The following EXOSC10 variants were observed in gnomAD, a reference collection of about 807,000 sequenced individuals.
EXOSC10 encodes exosome component 10, also known as exosome complex component 10.
EXOSC10 carries 94 observed loss-of-function variants against 126.6 expected under a neutral mutation model. The ratio of observed to expected loss-of-function variants is 0.74; its 90% confidence interval spans 0.63 to 0.88. The LOEUF (loss-of-function observed/expected upper bound fraction) is 0.88. Ranked by LOEUF, EXOSC10 falls within the 40% of genes least tolerant of loss-of-function variation. The pLI, the probability that EXOSC10 is intolerant of heterozygous loss-of-function variation, is 0.00. For synonymous variants in EXOSC10, 395 were observed against 400.8 expected (o/e 0.99, Z 0.17); for missense variants, 1,041 against 1,100.5 (o/e 0.95, Z 0.77).
At chr1:11,086,085 T>G (rs1489760032) in intron 9 of EXOSC10, among the ~76,000 whole-genome samples, 3 of 150,950 alleles carry the variant, frequency 2.0e-5, no homozygotes, top group African/African-American at 7.3e-5. Context: ...AAATTCTCTT[T>G]TTTGGTTGTG....
At position 11,080,559 on chromosome 1, in the gene EXOSC10, AAAAAACACACACAC is replaced by A. The variant is rs1180051243; in HGVS notation, c.1587-24_1587-11del. On this transcript the variant is annotated splice_polypyrimidine_tract_variant and intron_variant, in intron 12 of 24. Transcript: ENST00000376936. Reference sequence around the variant, plus strand: ...GTTTGGCAGTACATATCTGGAAAAAAAAAAACACACACACACACACACACACACACACACACACA... The same window carrying A: ...GTTTGGCAGTACATATCTGGAAAAAAACACACACACACACACACACACACA... The A allele has an allele frequency of 3.9e-6, 6 of 1,519,366 alleles. No individual in the cohort carries two copies. The Admixed American group carries it at 6.0e-5, about 15-fold the overall frequency. 94.1% of individuals were successfully genotyped at this position (1,519,366 alleles called of 1,614,324 possible). A position where few individuals can be genotyped will look rare whatever the true frequency, so the allele number is the denominator to read the frequency against.
intron 14 of EXOSC10, among the ~76,000 whole-genome samples, chr1:11,078,264 C>CTTTTTTTTTTTTTTTTTTTTTTT: frequency 7.0e-6 from 1 of 143,718 alleles, no homozygotes; most frequent in East Asian, 2.1e-4. Context: ...GACCCTGTTT[C>CTTTTTTTTTTTTTTTTTTTTTTT]TTTTTTTTTT....
In EXOSC10 at chr1:11,066,714, A is replaced by G; in HGVS notation, c.*4T>C. 6.2e-7 allele frequency: 1 copy of G among 1,614,116 alleles called. No homozygotes were observed. On this transcript the variant is annotated 3_prime_UTR_variant, in exon 25 of 25. Coordinates refer to ENST00000376936, the MANE Select transcript of EXOSC10 (RefSeq NM_001001998.3). ...GGTCCACAGGCGCCACGTGTCTTCC[A>G]GGACTATCTCTGTGGCCAGTTGTAC...
Position 11,090,995 on chromosome 1 carries a change from C to T in EXOSC10, c.643+19G>A. ...AAATAAAGTGAGACTCAAACACAGG[C>T]AAAGTATGCACTATTTACCTTGAGG... On this transcript the variant is annotated intron_variant, in intron 5 of 24. Transcript: ENST00000376936. 6.2e-7 allele frequency: 1 copy of T among 1,609,174 alleles called. No homozygotes were observed. The highest frequency in any genetic ancestry group is 8.5e-7 in the Non-Finnish European group (1 of 1,177,608).
At chr1:11,096,318 T>C (rs554976856) in intron 2 of EXOSC10, among the ~76,000 whole-genome samples, 3 of 152,134 alleles carry the variant, frequency 2.0e-5, no homozygotes, top group Admixed American at 6.5e-5. Context: ...GTCTGGCTAA[T>C]TTTTGTATTT....
intron 9 of EXOSC10, among the ~76,000 whole-genome samples, chr1:11,083,562 C>CAAAAAAA (rs35412224): frequency 3.0e-5 from 2 of 65,862 alleles, no homozygotes; most frequent in African/African-American, 6.7e-5. Context: ...AACTCCGTCT[C>CAAAAAAA]AAAAAAAAAA....
At position 11,082,739 on chromosome 1, in the gene EXOSC10, T is replaced by A. The variant is rs1640238480; in HGVS notation, c.1229A>T (p.Tyr410Phe). 1 of 1,614,196 alleles carries A rather than the reference T, an allele frequency of 6.2e-7. No homozygotes were observed. Among genetic ancestry groups the A allele is most frequent in the African/African-American group, 1.3e-5 (1 of 75,052 alleles). Residue 410 changes from tyrosine (Y) to phenylalanine (F), a missense_variant, in exon 10 of 25, where the codon TAC (tyrosine) becomes TTC (phenylalanine). Tyr to Phe is a conservative substitution (Grantham distance 22). This residue lies in a region of EXOSC10 where 645 missense variants were observed against 656.3 expected (regional missense o/e 0.98). Coordinates refer to ENST00000376936, the MANE Select transcript of EXOSC10 (RefSeq NM_001001998.3). ...RHSLDHLLKL[Y>F]CNVDSNKQYQ... Reference sequence around the variant, plus strand: ...TTGCTTGTTTGAGTCCACGTTGCAGTAGAGTTTCAGGAGATGATCGAGTGA... The same window carrying A: ...TTGCTTGTTTGAGTCCACGTTGCAGAAGAGTTTCAGGAGATGATCGAGTGA...
intron 14 of EXOSC10, 108 bp downstream of exon 14, chr1:11,079,603 A>G (rs1239757455): frequency 1.8e-5 from 15 of 851,384 alleles, no homozygotes; most frequent in Non-Finnish European, 2.5e-5. Context: ...CATGTTGGCC[A>G]GGCTGGTCTC....
chr1:11,069,072 C>T (rs1639286935), intron 22 of EXOSC10: 1 of 298,260 alleles, frequency 3.4e-6, no homozygotes, highest in Non-Finnish European at 6.2e-6. Flanking sequence ...GTGGACTGGC[C>T]TCTGCTTTCT....
intron 19 of EXOSC10, among the ~76,000 whole-genome samples, chr1:11,073,374 C>T (rs1281728966): frequency 2.0e-5 from 3 of 152,004 alleles, no homozygotes; most frequent in African/African-American, 4.8e-5. Flanking sequence ...CCTCATGATC[C>T]GCCCGCCTCG....
intron 2 of EXOSC10, among the ~76,000 whole-genome samples, chr1:11,097,721 G>A (rs1214943156): frequency 6.0e-5 from 9 of 149,302 alleles, no homozygotes; most frequent in Admixed American, 1.3e-4. Context: ...GCGAGACTCC[G>A]TCTCAAAAAA....
intron 12 of EXOSC10, 84 bp downstream of exon 12, chr1:11,080,680 G>T (rs1485059672): frequency 1.5e-5 from 24 of 1,599,320 alleles, no homozygotes; most frequent in Non-Finnish European, 1.9e-5. Context: ...AGCTTTCATA[G>T]CAAAAGAAAA....
intron 3 of EXOSC10, among the ~76,000 whole-genome samples, chr1:11,092,050 T>C (rs1007167677): frequency 9.2e-5 from 14 of 152,152 alleles, no homozygotes; most frequent in African/African-American, 3.4e-4. Context: ...AAAATATACA[T>C]ATATAAGAAC....
At chr1:11,091,632 C>G (rs772161918) in intron 3 of EXOSC10, 35 bp from the exon 4 acceptor site, 2 of 1,532,478 alleles carry the variant, frequency 1.3e-6, no homozygotes, top group Admixed American at 1.7e-5. Context: ...AAGCATTTTT[C>G]CTTTTGAGGT....
At position 11,090,205 on chromosome 1, in the gene EXOSC10, C is replaced by T. The variant is rs1482380956; in HGVS notation, c.758+349G>A. ...TAGAGATGGGGTTTCACCATGTTGGCCAGGCTGGTCTCGAACTCCTGACCT... is the reference window on the plus strand; with the variant it reads ...TAGAGATGGGGTTTCACCATGTTGGTCAGGCTGGTCTCGAACTCCTGACCT... On this transcript the variant is annotated intron_variant, in intron 6 of 24. Coordinates refer to ENST00000376936, the MANE Select transcript of EXOSC10 (RefSeq NM_001001998.3). Among the ~76,000 whole-genome samples, 3 of 152,096 alleles carry T rather than the reference C, an allele frequency of 2.0e-5. No homozygotes were observed. In the East Asian group the frequency reaches 5.8e-4, roughly 29 times the overall value.
rs747506888 is a variant in EXOSC10 at position 11,087,471 on chromosome 1, G to C, written c.1066C>G (p.Leu356Val). Residue 356 changes from leucine to valine, a missense_variant, in exon 9 of 25, where the codon CTC (leucine) becomes GTC (valine). By Grantham distance (32) the Leu-to-Val change is conservative (BLOSUM62 1). Transcript: ENST00000376936. ...RSDMYILNES[L>V]TDPAIVKVFH... ...ACCTTAACGATGGCTGGGTCTGTGA[G>C]GCTCTCATTGAGAATGTACATGTCA... The C allele has an allele frequency of 6.2e-7, 1 of 1,614,062 alleles. No individual in the cohort carries two copies. The highest frequency in any genetic ancestry group is 1.1e-5 in the South Asian group (1 of 91,078).
At position 11,087,493 on chromosome 1, in the gene EXOSC10, G is replaced by C. The variant is rs969392121; in HGVS notation, c.1044C>G (p.Asp348Glu). 2.5e-6 allele frequency: 4 copies of C among 1,614,114 alleles called. No individual in the cohort carries two copies. Among genetic ancestry groups the C allele is most frequent in the South Asian group, 2.2e-5 (2 of 91,080 alleles). Residue 348 changes from aspartate (D) to glutamate (E), a missense_variant, in exon 9 of 25, where the codon GAC (aspartate) becomes GAG (glutamate). By Grantham distance (45) the Asp-to-Glu change is conservative. Coordinates refer to ENST00000376936, the MANE Select transcript of EXOSC10 (RefSeq NM_001001998.3). The part of the protein sequence containing the change: ...FIIDTLELRS[D>E]MYILNESLTD... ...TGAGGCTCTCATTGAGAATGTACAT[G>C]TCACTTCGAAGCTCGAGGGTGTCAA... is the stretch of plus-strand genomic sequence containing the variant.
chr1:11,097,578 T>C (rs965454664), intron 2 of EXOSC10, among the ~76,000 whole-genome samples: 1 of 148,794 alleles, frequency 6.7e-6, no homozygotes, highest in Admixed American at 6.7e-5. Context: ...TACAAAAAAT[T>C]AGCTGGGCGT....
intron 1 of EXOSC10, 52 bp from the exon 2 acceptor site, chr1:11,098,208 T>A (rs1260467591): frequency 6.5e-7 from 1 of 1,548,590 alleles, no homozygotes; most frequent in East Asian, 2.3e-5. Flanking sequence ...CCCATTCATT[T>A]GGTATGTCAT....
Sources: gnomAD v4.1 joint callset for allele counts (sites outside exome capture counted in the v4.1 genomes callset) on GRCh38, gnomAD v4.1.1 for gene constraint, gnomAD v4.1.1 regional missense constraint, MANE v1.5 for transcripts, NCBI Gene and HGNC (gene_info 2026-07-23, HGNC 2026-07-21) for gene names.